The following PIP5K1C variants were observed in gnomAD, a reference collection of about 807,000 sequenced individuals.
PIP5K1C encodes the protein phosphatidylinositol-4-phosphate 5-kinase type 1 gamma.
PIP5K1C carries 45 observed loss-of-function variants against 80.1 expected under a neutral mutation model. The ratio of observed to expected loss-of-function variants is 0.56; its 90% CI spans 0.44 to 0.72. The LOEUF (loss-of-function observed/expected upper bound fraction) is 0.72. PIP5K1C is among the 30% of genes least tolerant of loss of function. The probability of loss-of-function intolerance (pLI) is 0.00; values close to 1 mark genes in which losing one functional copy is unlikely to be tolerated. For synonymous variants in PIP5K1C, 498 were observed against 420.1 expected, an observed-to-expected ratio of 1.19 and a Z score of -2.27; for missense variants, 753 against 954.6, an observed-to-expected ratio of 0.79 and a Z score of 2.78.
chr19:3,644,268 G>A lies in PIP5K1C; in HGVS notation c.1346-17C>T. The A allele has an allele frequency of 6.2e-7, 1 of 1,609,694 alleles. No individual in the cohort carries two copies. The highest frequency in any genetic ancestry group is 8.5e-7 in the Non-Finnish European group (1 of 1,178,418). Reference sequence around the variant, plus strand: ...ACTTCAGGGCTGCAGGGAAGGGTGGGGGTTGGTGCTTGGGGTTGCTGGGGG... The same window carrying A: ...ACTTCAGGGCTGCAGGGAAGGGTGGAGGTTGGTGCTTGGGGTTGCTGGGGG... On this transcript the variant is annotated splice_polypyrimidine_tract_variant and intron_variant, in intron 11 of 17. Transcript: ENST00000335312.
At chr19:3,686,281 G>T (rs1029082279) in intron 1 of PIP5K1C, among the ~76,000 whole-genome samples, 1 of 151,986 alleles carries the variant, frequency 6.6e-6, no homozygotes, top group African/African-American at 2.4e-5. Context: ...TTAGCCGGGC[G>T]TGGTGGCGGG....
At chr19:3,659,781 A>G (rs2034768033) in intron 5 of PIP5K1C, among the ~76,000 whole-genome samples, 1 of 152,174 alleles carries the variant, frequency 6.6e-6, no homozygotes, top group Non-Finnish European at 1.5e-5. Flanking sequence ...TCCCTGGAAG[A>G]GCGCAGCCTC....
At chr19:3,656,746 G>A (rs1001908503) in intron 5 of PIP5K1C, among the ~76,000 whole-genome samples, 189 bp from the exon 6 acceptor site, 3 of 152,306 alleles carry the variant, frequency 2.0e-5, no homozygotes, top group Non-Finnish European at 2.9e-5. Context: ...GCCTGAGGCC[G>A]AGCTGACTCT....
chr19:3,636,467 A>G (rs2033690604), intron 16 of PIP5K1C: 1 of 985,538 alleles, frequency 1.0e-6, no homozygotes, highest in Non-Finnish European at 1.2e-6. Flanking sequence ...GTGTTTTTCA[A>G]AGTCCAAGCA....
At position 3,696,023 on chromosome 19, in the gene PIP5K1C, G is replaced by T. The variant is rs1406258363; in HGVS notation, c.94+4274C>A. 2.0e-5 allele frequency among the ~76,000 whole-genome samples: 3 copies of T among 152,172 alleles called. No homozygotes were observed. Among genetic ancestry groups the T allele is most frequent in the African/African-American group, 7.2e-5 (3 of 41,448 alleles). ...TGGGATTACAGGTGTGAGCCACCGT[G>T]CCCGGCCTCCCTGACCTTTTTACAC... On this transcript the variant is annotated intron_variant, in intron 1 of 17. Coordinates refer to ENST00000335312, the MANE Select transcript of PIP5K1C (RefSeq NM_012398.3). The surrounding 1 kb of genome is among the most constrained non-coding windows in gnomAD (Gnocchi z 4.1).
chr19:3,660,202 A>G (rs1016598904), intron 5 of PIP5K1C, among the ~76,000 whole-genome samples: 1 of 152,122 alleles, frequency 6.6e-6, no homozygotes, highest in Non-Finnish European at 1.5e-5. Context: ...GACACGGTGA[A>G]ACCCCGTCTC....
intron 1 of PIP5K1C, among the ~76,000 whole-genome samples, chr19:3,699,330 C>CG (rs2036223720): frequency 2.1e-4 from 5 of 23,802 alleles, no homozygotes; most frequent in Admixed American, 5.2e-4. Flanking sequence ...TCTTTCAAGG[C>CG]GGGGGGTGGG....
chr19:3,659,923 T>C (rs1051181936), intron 5 of PIP5K1C, among the ~76,000 whole-genome samples: 2 of 152,174 alleles, frequency 1.3e-5, no homozygotes, highest in East Asian at 3.9e-4. Flanking sequence ...CCGGGGACCG[T>C]GCTGTCGTGA....
rs771209638 is a variant in PIP5K1C at position 3,641,829 on chromosome 19, G to T, written c.1683-20C>A. The T allele has an allele frequency of 3.4e-5, 55 of 1,596,110 alleles. 1 individual carries two copies. The South Asian group carries it at 6.0e-4, about 17-fold the overall frequency. On this transcript the variant is annotated intron_variant, in intron 14 of 17. Coordinates refer to ENST00000335312, the MANE Select transcript of PIP5K1C (RefSeq NM_012398.3). ...TGCGGCCTGCAGGCAATGGGAGGTT[G>T]TGCCTCGGTTTCCCTCCTCACTTCC... is the stretch of plus-strand genomic sequence containing the variant.
At chr19:3,693,965 C>G (rs944262136) in intron 1 of PIP5K1C, among the ~76,000 whole-genome samples, 4 of 152,084 alleles carry the variant, frequency 2.6e-5, no homozygotes, top group Non-Finnish European at 4.4e-5. Flanking sequence ...GTAATCCCAG[C>G]ACTTTGGGAG....
rs10432303 is a variant in PIP5K1C, at chr19:3,656,654, G to A, written c.469-97C>T. ...CCCAACAGCCCCAGGAACTGATGAC[G>A]GGTCGCTGCATTTTACAGATGCGGA... is the stretch of plus-strand genomic sequence containing the variant. On this transcript the variant is annotated intron_variant, in intron 5 of 17. Transcript: ENST00000335312. 594,499 of 1,352,888 alleles carry A rather than the reference G, an allele frequency of 0.44. 135,122 individuals carry two copies. The highest frequency in any genetic ancestry group is 0.48 in the Middle Eastern group (2,072 of 4,338). 83.8% of individuals were successfully genotyped at this position (1,352,888 alleles called of 1,614,324 possible).
At chr19:3,684,042 C>T (rs1280230883) in intron 1 of PIP5K1C, among the ~76,000 whole-genome samples, 4 of 151,986 alleles carry the variant, frequency 2.6e-5, no homozygotes, top group African/African-American at 9.7e-5. Flanking sequence ...AGGCCCGGCC[C>T]CCAGCACAGG....
At chr19:3,682,355 C>G (rs1473595429) in intron 1 of PIP5K1C, among the ~76,000 whole-genome samples, 1 of 135,306 alleles carries the variant, frequency 7.4e-6, no homozygotes, top group Non-Finnish European at 1.5e-5. Context: ...GCCTGGACAA[C>G]AGAGCAAGAC....
intron 1 of PIP5K1C, among the ~76,000 whole-genome samples, chr19:3,687,807 C>T (rs559901228): frequency 6.6e-6 from 1 of 152,224 alleles, no homozygotes; most frequent in Non-Finnish European, 1.5e-5. Flanking sequence ...CCCCGCAGGG[C>T]ATAGAGTGAT....
chr19:3,660,557 G>T (rs574764357), intron 5 of PIP5K1C, among the ~76,000 whole-genome samples: 1 of 152,124 alleles, frequency 6.6e-6, no homozygotes, highest in Non-Finnish European at 1.5e-5. Context: ...TAGGAGGTCC[G>T]ACTCTACGCT....
intron 1 of PIP5K1C, among the ~76,000 whole-genome samples, chr19:3,686,398 C>T (rs1481511456): frequency 2.6e-5 from 4 of 151,172 alleles, no homozygotes; most frequent in South Asian, 2.1e-4. Context: ...CCAGCCTGGG[C>T]GACAGAGTGA....
rs559180045 is a variant in PIP5K1C at position 3,632,930 on chromosome 19, T to C, written c.*237A>G. 12 of 528,358 alleles carry C rather than the reference T, an allele frequency of 2.3e-5. No homozygotes were observed. The East Asian group carries it at 3.9e-4, about 17-fold the overall frequency. The allele number at this position is 528,358 out of a possible 1,614,324, so 32.7% of individuals were successfully genotyped here. ...TGCCAAATAAGGACTCAAATGCGATTGGCCGCTCGGGAGGGTGGGTCTCAC... is the reference window on the plus strand; with the variant it reads ...TGCCAAATAAGGACTCAAATGCGATCGGCCGCTCGGGAGGGTGGGTCTCAC... On this transcript the variant is annotated 3_prime_UTR_variant, in exon 18 of 18. Coordinates refer to ENST00000335312, the MANE Select transcript of PIP5K1C (RefSeq NM_012398.3).
At chr19:3,638,220 C>G (rs751280562) in intron 16 of PIP5K1C, among the ~76,000 whole-genome samples, 10 of 152,180 alleles carry the variant, frequency 6.6e-5, no homozygotes, top group Non-Finnish European at 1.3e-4. Context: ...GCTGCCTGGA[C>G]ATTCCAGGCC....
At chr19:3,636,612 G>T in intron 16 of PIP5K1C, 1 of 985,686 alleles carries the variant, frequency 1.0e-6, no homozygotes, top group Non-Finnish European at 1.2e-6. Context: ...CCGGGGCACG[G>T]CTTCGCGGTG....
Sources: gnomAD v4.1 joint callset for allele counts (sites outside exome capture counted in the v4.1 genomes callset) on GRCh38, gnomAD v4.1.1 for gene constraint, Gnocchi (gnomAD v3.1) non-coding constraint, MANE v1.5 for transcripts, NCBI Gene and HGNC (gene_info 2026-07-23, HGNC 2026-07-21) for gene names.